The following MYH9 variants were observed in gnomAD, a reference collection of about 807,000 sequenced individuals.
MYH9 encodes the protein myosin-9.
MYH9 carries 29 observed loss-of-function variants against 241.9 expected under a neutral mutation model. That is an observed-to-expected ratio of 0.12 (90% confidence interval 0.09 to 0.16). The LOEUF is 0.16. Ranked by LOEUF, MYH9 falls within the 10% of genes least tolerant of loss-of-function variation. MYH9 has a pLI of 1.00. For synonymous variants in MYH9, 1,047 were observed against 1,062.6 expected, an observed-to-expected ratio of 0.99 and a Z score of 0.29; for missense variants, 1,803 against 2,595.5, an observed-to-expected ratio of 0.69 and a Z score of 6.63.
chr22:36,301,781 C>A, intron 20 of MYH9, 116 bp from the exon 21 acceptor site: 1 of 1,416,734 alleles, frequency 7.1e-7, no homozygotes, highest in African/African-American at 1.4e-5. Context: ...CAAGAAGACA[C>A]GCTGTGGTGG....
intron 11 of MYH9, 142 bp from the exon 12 acceptor site, chr22:36,316,811 G>A (rs1019298942): frequency 8.0e-6 from 7 of 880,418 alleles, no homozygotes; most frequent in East Asian, 5.3e-5. Context: ...AAAAATCTTC[G>A]TACACAAATA....
In MYH9 at chr22:36,306,387, C is replaced by T. The variant is rs562450045; in HGVS notation, c.2037+27G>A. ...AGCACCCCACACCACAGTGCCCTGC[C>T]CGGGCCACCCCACCAGGCAGCCGCA... On this transcript the variant is annotated intron_variant, in intron 16 of 40. Coordinates refer to ENST00000216181, the MANE Select transcript of MYH9 (RefSeq NM_002473.6). The surrounding 1 kb of genome is among the most constrained non-coding windows in gnomAD (Gnocchi z 4.1). 5.0e-6 allele frequency: 8 copies of T among 1,613,578 alleles called. No individual in the cohort carries two copies. The East Asian group carries it at 1.1e-4, about 22-fold the overall frequency.
chr22:36,305,032 CCAT>C lies in MYH9; in HGVS notation c.2227_2229del (p.Met743del). On this transcript the variant is annotated inframe_deletion and splice_region_variant, in exon 18 of 41. Transcript: ENST00000216181. This position sits in a 1 kb window ranked among gnomAD's most constrained non-coding sequence, Gnocchi z 4.7. ...GAGGCAGGGACAGCAGCTCAACTCA[CCAT>C]GAGCACGCACGCCTGCTTCCCGTCC... 1 of 1,613,850 alleles carries C rather than the reference CCAT, an allele frequency of 6.2e-7. No homozygotes were observed. Among genetic ancestry groups the C allele is most frequent in the Non-Finnish European group, 8.5e-7 (1 of 1,179,836 alleles).
intron 9 of MYH9, 54 bp from the exon 10 acceptor site, chr22:36,319,689 C>T (rs1001273871): frequency 2.5e-4 from 386 of 1,558,096 alleles, no homozygotes; most frequent in Middle Eastern, 6.7e-4. Context: ...TGGTGATTCC[C>T]GGGGGTGGGG....
Position 36,330,407 on chromosome 22 carries a change from G to T in MYH9, c.491-2919C>A, listed in dbSNP as rs1204197225. ...AAGGTCTTTCCAATGCTCAGGAAGG[G>T]TTTTGGTCTGTTATCTTGTGTGGCC... On this transcript the variant is annotated intron_variant, in intron 3 of 40. Coordinates refer to ENST00000216181, the MANE Select transcript of MYH9 (RefSeq NM_002473.6). This position sits in a 1 kb window ranked among gnomAD's most constrained non-coding sequence, Gnocchi z 4.5. Among the ~76,000 whole-genome samples the T allele has an allele frequency of 2.0e-5, 3 of 152,218 alleles. No homozygotes were observed. The highest frequency in any genetic ancestry group is 6.5e-5 in the Admixed American group (1 of 15,286).
chr22:36,379,282 T>C (rs1603484680), intron 1 of MYH9, among the ~76,000 whole-genome samples: 1 of 151,340 alleles, frequency 6.6e-6, no homozygotes, highest in African/African-American at 2.4e-5. Flanking sequence ...CCGAGGCGGG[T>C]GGATCATGAG....
chr22:36,333,589 A>G (rs534249882), intron 3 of MYH9, among the ~76,000 whole-genome samples: 17 of 152,360 alleles, frequency 1.1e-4, no homozygotes, highest in Middle Eastern at 3.4e-3. Flanking sequence ...TCAAGACTAA[A>G]CAAATTTGAC....
rs755567036 is a variant in MYH9 at position 36,318,198 on chromosome 22, A to T, written c.1227+9T>A. 1 of 1,612,706 alleles carries T rather than the reference A, an allele frequency of 6.2e-7. No individual in the cohort carries two copies. The highest frequency in any genetic ancestry group is 1.7e-5 in the Admixed American group (1 of 60,026). ...AGGCAGCCAGCTGCCCTGGCCCCAG[A>T]GGACATACCTGCTCTTTAGTCTGCG... On this transcript the variant is annotated intron_variant, in intron 11 of 40. Coordinates refer to ENST00000216181, the MANE Select transcript of MYH9 (RefSeq NM_002473.6).
chr22:36,294,033 T>C, intron 28 of MYH9, 59 bp downstream of exon 28: 1 of 1,585,620 alleles, frequency 6.3e-7, no homozygotes, highest in Admixed American at 1.7e-5. Flanking sequence ...CCTGGGGACC[T>C]GGGCCACAAC....
At position 36,346,178 on chromosome 22, in the gene MYH9, G is replaced by T. The variant is rs2017675953; in HGVS notation, c.333+2726C>A. Among the ~76,000 whole-genome samples the T allele has an allele frequency of 1.3e-5, 2 of 151,812 alleles. 1 individual carries two copies. The highest frequency in any genetic ancestry group is 4.2e-4 in the South Asian group (2 of 4,812). Reference sequence around the variant, plus strand: ...AAAAAAAAAAAAAAAAGAAGGCTGGGTTGTAAAGGAGACTGTTCCACATAT... The same window carrying T: ...AAAAAAAAAAAAAAAAGAAGGCTGGTTTGTAAAGGAGACTGTTCCACATAT... On this transcript the variant is annotated intron_variant, in intron 2 of 40. Transcript: ENST00000216181.
At chr22:36,344,223 A>G (rs1341316271) in intron 2 of MYH9, among the ~76,000 whole-genome samples, 1 of 152,210 alleles carries the variant, frequency 6.6e-6, no homozygotes, top group Non-Finnish European at 1.5e-5. Context: ...CTTCGCGCCC[A>G]CGCGGCGCGG....
intron 11 of MYH9, among the ~76,000 whole-genome samples, chr22:36,317,827 G>A (rs538463607): frequency 6.6e-4 from 100 of 152,328 alleles, no homozygotes; most frequent in African/African-American, 1.9e-3. Context: ...GCACAGGCTC[G>A]AGGATGGCGG....
At position 36,316,567 on chromosome 22, in the gene MYH9, C is replaced by A. The variant is rs1437113375; in HGVS notation, c.1330G>T (p.Gly444Cys). The A allele has an allele frequency of 1.9e-6, 3 of 1,614,124 alleles. No homozygotes were observed. Among genetic ancestry groups the A allele is most frequent in the Non-Finnish European group, 8.5e-7 (1 of 1,180,026 alleles). Residue 444 changes from glycine to cysteine, a missense_variant, in exon 12 of 41, where the codon GGC becomes TGC. By Grantham distance (159) the Gly-to-Cys change is radical (BLOSUM62 -3). This residue lies in a region of MYH9 where 222 missense variants were observed against 359.9 expected (regional missense o/e 0.62). Coordinates refer to ENST00000216181, the MANE Select transcript of MYH9 (RefSeq NM_002473.6). ...NKALDKTKRQ[G>C]ASFIGILDIA... is the part of the protein sequence containing the mutation. ...TCCAGGATCCCGATGAAGGAGGCGC[C>A]CTGCCTCTTGGTCTTGTCCAGAGCC...
intron 1 of MYH9, among the ~76,000 whole-genome samples, chr22:36,378,035 G>A (rs1185468738): frequency 6.6e-6 from 1 of 151,948 alleles, no homozygotes; most frequent in South Asian, 2.1e-4. Flanking sequence ...AGCACTTTGG[G>A]AGGCCAAGGC....
chr22:36,352,648 C>G (rs1381704827), intron 1 of MYH9, among the ~76,000 whole-genome samples: 2 of 152,210 alleles, frequency 1.3e-5, no homozygotes, highest in East Asian at 3.8e-4. Flanking sequence ...GGTGGGAGGG[C>G]AGGGGACAGT....
intron 21 of MYH9, 37 bp from the exon 22 acceptor site, chr22:36,301,094 A>G (rs753244466): frequency 6.3e-7 from 1 of 1,585,724 alleles, no homozygotes; most frequent in Admixed American, 1.7e-5. Flanking sequence ...GCTCCTCGCA[A>G]CACCCTCAAG....
In MYH9 at chr22:36,321,872, C is replaced by T. The variant is rs772111672; in HGVS notation, c.706-51G>A. 5 of 1,515,198 alleles carry T rather than the reference C, an allele frequency of 3.3e-6. No individual in the cohort carries two copies. The Admixed American group carries it at 8.4e-5, about 25-fold the overall frequency. 93.9% of individuals were successfully genotyped at this position (1,515,198 alleles called of 1,614,324 possible). ...TCAGAGGTGCCCCTGACATGGGGAG[C>T]TAGAGAGCACGGGGGAGACCACAGC... On this transcript the variant is annotated intron_variant, in intron 6 of 40. Transcript: ENST00000216181.
intron 25 of MYH9, among the ~76,000 whole-genome samples, chr22:36,296,450 G>A (rs1483732593): frequency 1.3e-5 from 2 of 151,646 alleles, no homozygotes; most frequent in African/African-American, 4.9e-5. Context: ...TGGCCAGGCT[G>A]GTCTCGAACT....
chr22:36,340,829 G>A lies in MYH9; in HGVS notation c.490+541C>T, dbSNP rs545529072. On this transcript the variant is annotated intron_variant, in intron 3 of 40. Transcript: ENST00000216181. ...GGTGGGGACAGACAGCCAGGGCGAG[G>A]GGAGTGACCAGGAGGTGGGGATAGA... is the stretch of plus-strand genomic sequence containing the variant. Among the ~76,000 whole-genome samples, 6 of 152,230 alleles carry A rather than the reference G, an allele frequency of 3.9e-5. No individual in the cohort carries two copies. In the South Asian group the frequency reaches 6.2e-4, roughly 16 times the overall value.
Sources: allele counts gnomAD v4.1 joint callset (sites outside exome capture counted in the v4.1 genomes callset), GRCh38; gene constraint gnomAD v4.1.1; regional missense constraint gnomAD v4.1.1; non-coding constraint Gnocchi (gnomAD v3.1); transcripts MANE v1.5; gene names NCBI Gene and HGNC (gene_info 2026-07-23, HGNC 2026-07-21).